Variants in TENM2 observed in about 807,000 individuals in gnomAD.
The protein encoded by TENM2 is teneurin transmembrane protein 2.
In TENM2, 52 loss-of-function variants were observed where a neutral mutation model predicts 245.2. The observed-to-expected ratio is 0.21, with a 90% CI of 0.17 to 0.27. The LOEUF (loss-of-function observed/expected upper bound fraction) is 0.27, where lower values mean the gene tolerates loss of function less well. TENM2 is among the 10% of genes least tolerant of loss of function. The pLI is 1.00. For synonymous variants in TENM2, 1,363 were observed against 1,438.9 expected (o/e 0.95, Z 1.19); for missense variants, 3,046 against 3,666.8 (o/e 0.83, Z 4.37).
intron 1 of TENM2, among the ~76,000 whole-genome samples, chr5:167,335,099 C>T (rs1029203264): frequency 6.6e-6 from 1 of 152,164 alleles, no homozygotes; most frequent in Non-Finnish European, 1.5e-5. Flanking sequence ...TTAAGTGGCT[C>T]ATGGTTCTGT....
intron 1 of TENM2, among the ~76,000 whole-genome samples, chr5:167,353,794 A>C (rs984169716): frequency 6.6e-6 from 1 of 151,854 alleles, no homozygotes; most frequent in Non-Finnish European, 1.5e-5. Flanking sequence ...GGCGTGAGCC[A>C]CCGCGCCCGG....
chr5:167,511,684 T>G (rs918063939), intron 2 of TENM2, among the ~76,000 whole-genome samples: 1 of 152,194 alleles, frequency 6.6e-6, no homozygotes, highest in African/African-American at 2.4e-5. Context: ...CTGATATGCC[T>G]GGTAGCCTGT....
intron 7 of TENM2, among the ~76,000 whole-genome samples, chr5:168,084,666 C>G (rs750441649): frequency 7.9e-5 from 12 of 152,100 alleles, no homozygotes; most frequent in Non-Finnish European, 1.5e-4. Context: ...TTGGCATCTT[C>G]CAGGAACAGA....
At chr5:167,057,224 T>C in the TENM2 span, among the ~76,000 whole-genome samples, 1 of 152,294 alleles carries the variant, frequency 6.6e-6, no homozygotes, top group Non-Finnish European at 1.5e-5. Context: ...TTACATCATT[T>C]ATCTATTTTT....
Position 167,478,539 on chromosome 5 carries a change from T to G in TENM2, c.502+103066T>G, listed in dbSNP as rs563866870. 1.4e-4 allele frequency among the ~76,000 whole-genome samples: 21 copies of G among 152,294 alleles called. 1 individual carries two copies. In the South Asian group the frequency reaches 4.3e-3, roughly 32 times the overall value. ...ACTGGAAATGGGTTTCCTATCACCATCCACCAGCCGGATATGGCTTGACAT... is the reference window on the plus strand; with the variant it reads ...ACTGGAAATGGGTTTCCTATCACCAGCCACCAGCCGGATATGGCTTGACAT... On this transcript the variant is annotated intron_variant, in intron 2 of 28. Coordinates refer to ENST00000518659, the Ensembl canonical transcript of TENM2.
the TENM2 span, among the ~76,000 whole-genome samples, chr5:167,068,574 T>C: frequency 6.6e-6 from 1 of 152,218 alleles, no homozygotes; most frequent in Non-Finnish European, 1.5e-5. Flanking sequence ...TCAGATCTGG[T>C]ATGTAATTTA....
At chr5:167,105,611 G>A in the TENM2 span, among the ~76,000 whole-genome samples, 3 of 152,102 alleles carry the variant, frequency 2.0e-5, no homozygotes, top group Non-Finnish European at 2.9e-5. Context: ...GTGATCGGCC[G>A]GGCGCGGTGG....
chr5:167,189,897 A>G, the TENM2 span, among the ~76,000 whole-genome samples: 3 of 152,148 alleles, frequency 2.0e-5, no homozygotes, highest in African/African-American at 4.8e-5. Flanking sequence ...GATTATTTGC[A>G]TAGTATAAAT....
chr5:167,972,226 T>C (rs915299648), intron 4 of TENM2, among the ~76,000 whole-genome samples: 1 of 152,204 alleles, frequency 6.6e-6, no homozygotes, highest in Non-Finnish European at 1.5e-5. Context: ...TTCAAGGAAA[T>C]TTCATTTGAA....
the TENM2 span, among the ~76,000 whole-genome samples, chr5:167,225,779 G>A: frequency 6.6e-6 from 1 of 151,972 alleles, no homozygotes; most frequent in Non-Finnish European, 1.5e-5. Context: ...ATTCATTAGT[G>A]AATGTATCCA....
At chr5:167,349,388 A>G (rs1414677680) in intron 1 of TENM2, among the ~76,000 whole-genome samples, 1 of 152,206 alleles carries the variant, frequency 6.6e-6, no homozygotes, top group Non-Finnish European at 1.5e-5. Context: ...CAGAGCTAAG[A>G]AGCTACAGAA....
chr5:167,429,206 G>A (rs1360349398), intron 2 of TENM2, among the ~76,000 whole-genome samples: 2 of 152,138 alleles, frequency 1.3e-5, no homozygotes, highest in Non-Finnish European at 2.9e-5. Flanking sequence ...TGAGGATCTA[G>A]CATCAGTTTA....
At chr5:168,044,292 G>A (rs1163180051) in intron 5 of TENM2, among the ~76,000 whole-genome samples, 1 of 152,176 alleles carries the variant, frequency 6.6e-6, no homozygotes, top group Non-Finnish European at 1.5e-5. Flanking sequence ...GCGGGCGCCT[G>A]TAGTCCCAGA....
rs527495998 is a variant in TENM2 at position 167,662,239 on chromosome 5, TTGGGTA to T, written c.503-213742_503-213737del. Reference sequence around the variant, plus strand: ...ACAAAAAGAGGAGATTCTTGCTAGATTGGGTATGGGGAGTTGGGGTGGAGAGAGACT... The same window carrying T: ...ACAAAAAGAGGAGATTCTTGCTAGATTGGGGAGTTGGGGTGGAGAGAGACT... On this transcript the variant is annotated intron_variant, in intron 2 of 28. Transcript: ENST00000518659. Among the ~76,000 whole-genome samples, 74 of 152,212 alleles carry T rather than the reference TTGGGTA, an allele frequency of 4.9e-4. No homozygotes were observed. The South Asian group carries it at 5.8e-3, about 12-fold the overall frequency.
chr5:168,115,727 G>T (rs1030395328), intron 9 of TENM2, among the ~76,000 whole-genome samples: 1 of 152,170 alleles, frequency 6.6e-6, no homozygotes, highest in Non-Finnish European at 1.5e-5. Flanking sequence ...AAGTGATGTT[G>T]ATTCTAGTCT....
At chr5:167,530,930 G>A (rs1307313896) in intron 2 of TENM2, among the ~76,000 whole-genome samples, 1 of 152,218 alleles carries the variant, frequency 6.6e-6, no homozygotes, top group Non-Finnish European at 1.5e-5. Flanking sequence ...CTGAGTGGAG[G>A]AGGCTGAAGA....
rs1242476460 is a variant in TENM2, at chr5:167,336,817, AT to A, written c.227-38378del. Among the ~76,000 whole-genome samples, 12 of 140,292 alleles carry A rather than the reference AT, an allele frequency of 8.6e-5. No individual in the cohort carries two copies. The South Asian group carries it at 2.1e-3, about 25-fold the overall frequency. The allele number at this position is 140,292 out of a possible 152,430, so 92.0% of individuals were successfully genotyped here. ...CTCAATGAGTAAATATAATGCAAAT[AT>A]TTAAAAAAAAAAAAATCGGCCGGGT... On this transcript the variant is annotated intron_variant, in intron 1 of 28. Transcript: ENST00000518659.
intron 1 of TENM2, among the ~76,000 whole-genome samples, chr5:167,346,876 C>G (rs568029948): frequency 1.0e-3 from 155 of 152,166 alleles, no homozygotes; most frequent in African/African-American, 3.5e-3. Context: ...TGGGCTCAAG[C>G]AATCCTTCCA....
At chr5:166,998,687 A>G in the TENM2 span, among the ~76,000 whole-genome samples, 1 of 152,214 alleles carries the variant, frequency 6.6e-6, no homozygotes, top group African/African-American at 2.4e-5. Context: ...TCGTCAGCAC[A>G]AAGTATGGGA....
Sources: gnomAD v4.1 joint callset for allele counts (sites outside exome capture counted in the v4.1 genomes callset) on GRCh38, gnomAD v4.1.1 for gene constraint, MANE v1.5 for transcripts, NCBI Gene and HGNC (gene_info 2026-07-23, HGNC 2026-07-21) for gene names.